Variants in SLC24A2 observed in about 807,000 individuals in gnomAD.
The protein encoded by SLC24A2 is solute carrier family 24 member 2.
SLC24A2 carries 36 observed loss-of-function variants against 62.0 expected under a neutral mutation model. That is an observed-to-expected ratio of 0.58 (90% CI 0.44 to 0.77). The LOEUF is 0.77. SLC24A2 is among the 30% of genes least tolerant of loss of function. The probability of loss-of-function intolerance (pLI) is 0.00; values close to 1 mark genes in which losing one functional copy is unlikely to be tolerated. For missense variants in SLC24A2, 846 were observed against 817.9 expected (o/e 1.03, Z -0.42); for synonymous variants, 358 against 294.0 (o/e 1.22, Z -2.23).
At chr9:19,780,816 C>T (rs1296499248) in intron 2 of SLC24A2, among the ~76,000 whole-genome samples, 1 of 142,294 alleles carries the variant, frequency 7.0e-6, no homozygotes, top group East Asian at 2.1e-4. Context: ...GAGCCTGCAG[C>T]GAGCCGAGAT....
At chr9:19,947,848 G>GAAAGAAAGAAAT in the SLC24A2 span, among the ~76,000 whole-genome samples, 39 of 145,370 alleles carry the variant, frequency 2.7e-4, no homozygotes, top group Middle Eastern at 3.7e-3. Flanking sequence ...AAGAAAGAAA[G>GAAAGAAAGAAAT]AAATTAGTTC....
At chr9:20,016,903 A>T in the SLC24A2 span, among the ~76,000 whole-genome samples, 1 of 152,260 alleles carries the variant, frequency 6.6e-6, no homozygotes, top group East Asian at 1.9e-4. Context: ...TTTTACAATG[A>T]ATATAAACTA....
At chr9:19,550,393 G>A (rs1834785616) in intron 7 of SLC24A2, 125 bp from the exon 8 acceptor site, 1 of 877,878 alleles carries the variant, frequency 1.1e-6, no homozygotes, top group Admixed American at 2.2e-5. Flanking sequence ...CGTTCCAGTA[G>A]CTTCATATGT....
At chr9:19,973,765 T>C in the SLC24A2 span, among the ~76,000 whole-genome samples, 1 of 152,234 alleles carries the variant, frequency 6.6e-6, no homozygotes, top group Non-Finnish European at 1.5e-5. Flanking sequence ...TTCTTTCAAA[T>C]GCTGTGGCTA....
intron 2 of SLC24A2, among the ~76,000 whole-genome samples, chr9:19,757,682 T>C (rs572239720): frequency 1.3e-5 from 2 of 152,300 alleles, no homozygotes; most frequent in East Asian, 3.9e-4. Flanking sequence ...GATAAAGACA[T>C]ACTACTATCA....
chr9:20,172,467 A>G, the SLC24A2 span, among the ~76,000 whole-genome samples: 1 of 152,076 alleles, frequency 6.6e-6, no homozygotes, highest in East Asian at 1.9e-4. Context: ...AGTAACCAAG[A>G]AAAGAAGAGA....
the SLC24A2 span, among the ~76,000 whole-genome samples, chr9:20,303,907 G>A: frequency 3.3e-4 from 51 of 152,280 alleles, no homozygotes; most frequent in South Asian, 1.0e-2. Flanking sequence ...TGCATCTTAT[G>A]CTTTGGAGGT....
the SLC24A2 span, among the ~76,000 whole-genome samples, chr9:19,934,716 T>G: frequency 6.6e-6 from 1 of 152,252 alleles, no homozygotes; most frequent in Non-Finnish European, 1.5e-5. This position sits in a 1 kb window ranked among gnomAD's most constrained non-coding sequence, Gnocchi z 4.1. Flanking sequence ...AAACGTTCCC[T>G]ACGCTTCCCG....
chr9:19,831,003 G>A, the SLC24A2 span, among the ~76,000 whole-genome samples: 3 of 152,134 alleles, frequency 2.0e-5, no homozygotes, highest in African/African-American at 7.2e-5. Flanking sequence ...CCAGAGGGGA[G>A]GAGCACTGTG....
chr9:19,791,457 G>A (rs1823319613), upstream of SLC24A2, among the ~76,000 whole-genome samples: 1 of 152,214 alleles, frequency 6.6e-6, no homozygotes, highest in Non-Finnish European at 1.5e-5. Context: ...TAAGGGAGAA[G>A]GGGGAGATAA....
chr9:19,557,066 T>G (rs1470714262), intron 7 of SLC24A2, among the ~76,000 whole-genome samples: 2 of 152,128 alleles, frequency 1.3e-5, no homozygotes, highest in African/African-American at 4.8e-5. Context: ...GTAGGGAACC[T>G]GAGATGGAGT....
intron 2 of SLC24A2, among the ~76,000 whole-genome samples, chr9:19,659,400 G>T (rs1301214439): frequency 6.6e-6 from 1 of 152,148 alleles, no homozygotes; most frequent in East Asian, 1.9e-4. Context: ...TGTTATGGCA[G>T]CCCTGAGGAA....
At chr9:20,011,269 C>T in the SLC24A2 span, among the ~76,000 whole-genome samples, 1 of 152,174 alleles carries the variant, frequency 6.6e-6, no homozygotes, top group African/African-American at 2.4e-5. Flanking sequence ...TCTCCAGCAT[C>T]TGTTGTTTCC....
At chr9:19,894,899 G>C in the SLC24A2 span, among the ~76,000 whole-genome samples, 1 of 152,134 alleles carries the variant, frequency 6.6e-6, no homozygotes, top group African/African-American at 2.4e-5. Flanking sequence ...GAAATATTTG[G>C]AGAAGTTGCA....
the SLC24A2 span, among the ~76,000 whole-genome samples, chr9:19,956,796 A>T: frequency 1.3e-5 from 2 of 152,188 alleles, no homozygotes; most frequent in Non-Finnish European, 2.9e-5. Flanking sequence ...TTGGGTGGAG[A>T]CACAGCCAAA....
At chr9:20,237,318 T>C in the SLC24A2 span, among the ~76,000 whole-genome samples, 9 of 152,296 alleles carry the variant, frequency 5.9e-5, no homozygotes, top group Admixed American at 5.9e-4. Context: ...TAGGTAAAGG[T>C]AGGTCATAAA....
At chr9:20,263,273 G>C in the SLC24A2 span, among the ~76,000 whole-genome samples, 1 of 152,158 alleles carries the variant, frequency 6.6e-6, no homozygotes, top group Non-Finnish European at 1.5e-5. Flanking sequence ...GTGGGGGTGA[G>C]ACAGGATCTC....
intron 4 of SLC24A2, among the ~76,000 whole-genome samples, chr9:19,614,669 C>G (rs1817718117): frequency 1.3e-5 from 2 of 151,898 alleles, no homozygotes; most frequent in Non-Finnish European, 2.9e-5. Context: ...CATATAAAGC[C>G]TTGCAGCTTC....
chr9:19,529,237 A>G (rs546595036), intron 8 of SLC24A2, among the ~76,000 whole-genome samples: 1 of 152,318 alleles, frequency 6.6e-6, no homozygotes, highest in African/African-American at 2.4e-5. Flanking sequence ...CTTGTATGAA[A>G]GTAATCTCAA....
Sources: gnomAD v4.1 joint callset for allele counts (sites outside exome capture counted in the v4.1 genomes callset) on GRCh38, gnomAD v4.1.1 for gene constraint, Gnocchi (gnomAD v3.1) non-coding constraint, MANE v1.5 for transcripts, NCBI Gene and HGNC (gene_info 2026-07-23, HGNC 2026-07-21) for gene names.